The following IL22RA1 variants were observed in gnomAD, a reference collection of about 807,000 sequenced individuals.
IL22RA1 encodes the protein interleukin 22 receptor subunit alpha 1.
Under a neutral mutation model 32.8 loss-of-function variants are expected in IL22RA1, and 25 were observed. That is an observed-to-expected ratio of 0.76 (90% CI 0.55 to 1.06). IL22RA1 has a LOEUF of 1.06. Among genes scored for constraint, IL22RA1 ranks in the 50% least tolerant of loss-of-function variants. The probability of loss-of-function intolerance (pLI) is 0.00; values close to 1 mark genes in which losing one functional copy is unlikely to be tolerated. For missense variants in IL22RA1, 709 were observed against 727.4 expected (o/e 0.97, Z 0.29); for synonymous variants, 305 against 305.0 (o/e 1.00, Z 0.00).
chr1:24,141,860 C>T (rs1382872287), intron 1 of IL22RA1, among the ~76,000 whole-genome samples: 1 of 152,182 alleles, frequency 6.6e-6, no homozygotes, highest in Non-Finnish European at 1.5e-5. Context: ...AAACAATGTT[C>T]TGTCAACCAG....
At chr1:24,123,674 T>A (rs934535068) in intron 5 of IL22RA1, 1 of 752,386 alleles carries the variant, frequency 1.3e-6, no homozygotes, top group African/African-American at 1.8e-5. Context: ...ACAAAAAGAT[T>A]TTTTACAACC....
Position 24,121,462 on chromosome 1 carries a change from G to A in IL22RA1, c.1068C>T (p.Ala356=). 6.5e-7 allele frequency: 1 copy of A among 1,545,558 alleles called. No individual in the cohort carries two copies. The highest frequency in any genetic ancestry group is 8.7e-7 in the Non-Finnish European group (1 of 1,143,998). ...LSPLSYAPNA[A]PEVGPPSYAP... ...CATAGGATGGGGGCCCGACCTCAGG[G>A]GCAGCGTTTGGGGCATAGGACAGTG... The change falls in exon 7 of 7, where the codon GCC becomes GCT. Residue 356 remains alanine (A), a synonymous_variant. Transcript: ENST00000270800.
chr1:24,139,626 T>A (rs1644267142), intron 1 of IL22RA1, among the ~76,000 whole-genome samples: 1 of 152,214 alleles, frequency 6.6e-6, no homozygotes. Flanking sequence ...CTCGACTTCC[T>A]GGGCTTAAGC....
chr1:24,129,987 C>T (rs1380139874), intron 4 of IL22RA1, among the ~76,000 whole-genome samples: 1 of 152,192 alleles, frequency 6.6e-6, no homozygotes, highest in South Asian at 2.1e-4. Flanking sequence ...GACTTGCCAG[C>T]CTGATATCTC....
rs1233422213 is a variant in IL22RA1, at chr1:24,120,632, T to C, written c.*173A>G. The C allele has an allele frequency of 3.5e-5, 22 of 626,508 alleles. No individual in the cohort carries two copies. Among genetic ancestry groups the C allele is most frequent in the Non-Finnish European group, 5.5e-5 (20 of 361,880 alleles). The allele number at this position is 626,508 out of a possible 1,614,324, so 38.8% of individuals were successfully genotyped here. On this transcript the variant is annotated 3_prime_UTR_variant, in exon 7 of 7. Transcript: ENST00000270800. ...TCCTTATCATGCTGCTTTGCTCCGGTGAGGAGCGCACCCATGGCAGGGGCC... is the reference window on the plus strand; with the variant it reads ...TCCTTATCATGCTGCTTTGCTCCGGCGAGGAGCGCACCCATGGCAGGGGCC...
At chr1:24,137,672 A>G (rs1644252132) in intron 2 of IL22RA1, among the ~76,000 whole-genome samples, 1 of 151,878 alleles carries the variant, frequency 6.6e-6, no homozygotes, top group African/African-American at 2.4e-5. Context: ...GTGCACCACC[A>G]TGCCTGGCTA....
chr1:24,132,424 C>G (rs144697207), intron 4 of IL22RA1, among the ~76,000 whole-genome samples: 1 of 151,186 alleles, frequency 6.6e-6, no homozygotes, highest in Non-Finnish European at 1.5e-5. Context: ...CTCCACCTCC[C>G]GGGTTCACGC....
intron 3 of IL22RA1, among the ~76,000 whole-genome samples, 156 bp from the exon 4 acceptor site, chr1:24,134,542 A>T (rs985601497): frequency 6.6e-6 from 1 of 152,186 alleles, no homozygotes; most frequent in African/African-American, 2.4e-5. Context: ...AACAGTGAAA[A>T]GAGAAAAGTT....
intron 4 of IL22RA1, 71 bp downstream of exon 4, chr1:24,134,140 G>T (rs1191591849): frequency 1.5e-6 from 2 of 1,345,706 alleles, no homozygotes; most frequent in Non-Finnish European, 2.0e-6. Flanking sequence ...TTTTCTTAAA[G>T]CAACTCAGAT....
At position 24,121,339 on chromosome 1, in the gene IL22RA1, G is replaced by A. The variant is rs1025096109; in HGVS notation, c.1191C>T (p.Asp397=). 2.2e-5 allele frequency: 35 copies of A among 1,602,076 alleles called. No homozygotes were observed. Among genetic ancestry groups the A allele is most frequent in the Non-Finnish European group, 2.7e-5 (32 of 1,172,338 alleles). Residue 397 remains aspartate (D), a synonymous_variant, in exon 7 of 7, where the codon GAC becomes GAT. Coordinates refer to ENST00000270800, the MANE Select transcript of IL22RA1 (RefSeq NM_021258.4). The part of the protein sequence containing the change: ...PSSYAPQATP[D]SWPPSYGVCM... Reference sequence around the variant, plus strand: ...ATACCCCATAGGAGGGAGGCCAGCTGTCCGGAGTGGCTTGAGGGGCATAGG... The same window carrying A: ...ATACCCCATAGGAGGGAGGCCAGCTATCCGGAGTGGCTTGAGGGGCATAGG...
chr1:24,139,832 T>C (rs1446180246), intron 1 of IL22RA1, among the ~76,000 whole-genome samples: 1 of 152,236 alleles, frequency 6.6e-6, no homozygotes, highest in African/African-American at 2.4e-5. Flanking sequence ...TGCTTGGTAT[T>C]GTCTCTCATT....
At chr1:24,140,627 G>A (rs1644274107) in intron 1 of IL22RA1, among the ~76,000 whole-genome samples, 1 of 152,194 alleles carries the variant, frequency 6.6e-6, no homozygotes, top group South Asian at 2.1e-4. Flanking sequence ...GGGCTGGGGA[G>A]GGGCTGCAGC....
chr1:24,135,240 A>G (rs1049099996), intron 3 of IL22RA1, among the ~76,000 whole-genome samples: 2 of 152,248 alleles, frequency 1.3e-5, no homozygotes, highest in African/African-American at 4.8e-5. Context: ...CATGATACCA[A>G]TATATGGAGA....
At chr1:24,121,762 C>G (rs568446714) in intron 6 of IL22RA1, 25 bp from the exon 7 acceptor site, 8 of 1,452,114 alleles carry the variant, frequency 5.5e-6, no homozygotes, top group African/African-American at 1.4e-5. Flanking sequence ...CAACAGTCAC[C>G]CCCCTGTGGT....
chr1:24,132,016 T>A (rs1644208444), intron 4 of IL22RA1, among the ~76,000 whole-genome samples: 1 of 152,216 alleles, frequency 6.6e-6, no homozygotes, highest in South Asian at 2.1e-4. Flanking sequence ...GGACTCTCCC[T>A]GCTTAGTAAT....
intron 4 of IL22RA1, among the ~76,000 whole-genome samples, chr1:24,132,492 C>T (rs1010520192): frequency 4.0e-5 from 6 of 151,838 alleles, no homozygotes; most frequent in South Asian, 2.1e-4. Context: ...CTACCATGCC[C>T]GGCTAATTTT....
At chr1:24,123,210 C>T in intron 6 of IL22RA1, 92 bp downstream of exon 6, 1 of 1,503,836 alleles carries the variant, frequency 6.6e-7, no homozygotes, top group Non-Finnish European at 8.9e-7. Flanking sequence ...CCTGCTTTGT[C>T]TGTGGATCCC....
At chr1:24,121,765 C>A in intron 6 of IL22RA1, 28 bp from the exon 7 acceptor site, 2 of 1,448,626 alleles carry the variant, frequency 1.4e-6, no homozygotes, top group Non-Finnish European at 1.8e-6. Context: ...CAGTCACCCC[C>A]CTGTGGTTAG....
At position 24,138,625 on chromosome 1, in the gene IL22RA1, G is replaced by T. The variant is rs1336478716; in HGVS notation, c.133C>A (p.Pro45Thr). ...TAGACCGTGTCTGGGGTGCCCTCCGGCCCGCTGTCCCACGTCAGGATGTTT... is the reference window on the plus strand; with the variant it reads ...TAGACCGTGTCTGGGGTGCCCTCCGTCCCGCTGTCCCACGTCAGGATGTTT... ...FENILTWDSG[P>T]EGTPDTVYSI... Residue 45 changes from proline (P) to threonine (T), a missense_variant, in exon 2 of 7, where the codon CCG (proline) becomes ACG (threonine). By Grantham distance (38) the Pro-to-Thr change is conservative. Coordinates refer to ENST00000270800, the MANE Select transcript of IL22RA1 (RefSeq NM_021258.4). The T allele has an allele frequency of 4.3e-6, 7 of 1,614,028 alleles. No homozygotes were observed. Among genetic ancestry groups the T allele is most frequent in the South Asian group, 1.1e-5 (1 of 91,076 alleles).
Sources: gnomAD v4.1 joint callset for allele counts (sites outside exome capture counted in the v4.1 genomes callset) on GRCh38, gnomAD v4.1.1 for gene constraint, MANE v1.5 for transcripts, NCBI Gene and HGNC (gene_info 2026-07-23, HGNC 2026-07-21) for gene names.